MIR2052HG: variants seen among roughly 807,000 people sequenced by gnomAD.
MIR2052HG encodes MIR2052 host gene.
At chr8:74,690,937 A>C (rs1809233489) in intron 2 of MIR2052HG, among the ~76,000 whole-genome samples, 1 of 152,150 alleles carries the variant, frequency 6.6e-6, no homozygotes. Context: ...ATTTTCTTAA[A>C]GTTATGTATG....
At chr8:74,741,648 G>A (rs899535317) in intron 4 of MIR2052HG, among the ~76,000 whole-genome samples, 3 of 152,014 alleles carry the variant, frequency 2.0e-5, no homozygotes, top group South Asian at 4.1e-4. Context: ...TGGATCTACC[G>A]TATTGTTTGT....
At chr8:74,633,651 A>G (rs989872178) in intron 2 of MIR2052HG, among the ~76,000 whole-genome samples, 6 of 152,126 alleles carry the variant, frequency 3.9e-5, no homozygotes, top group African/African-American at 1.4e-4. Flanking sequence ...GTTCTGTTAC[A>G]TCTGTTTAGG....
At chr8:74,619,952 C>T (rs1340173292) in intron 2 of MIR2052HG, among the ~76,000 whole-genome samples, 2 of 152,164 alleles carry the variant, frequency 1.3e-5, no homozygotes, top group Non-Finnish European at 2.9e-5. Flanking sequence ...TCCCTTCTGC[C>T]TATGAGCCTG....
chr8:74,617,456 GGTGTGTGTGTGTGTGTGT>G (rs61474557), intron 2 of MIR2052HG, among the ~76,000 whole-genome samples: 1 of 147,294 alleles, frequency 6.8e-6, no homozygotes, highest in African/African-American at 2.5e-5. Context: ...TATTCCATTG[GGTGTGTGTGTGTGTGTGT>G]GTGTGTGTGT....
chr8:74,754,817 T>C (rs910933891), intron 5 of MIR2052HG, among the ~76,000 whole-genome samples: 1 of 152,212 alleles, frequency 6.6e-6, no homozygotes, highest in African/African-American at 2.4e-5. Context: ...TTTTGTCCCA[T>C]TGTACCTGCC....
At chr8:74,606,499 G>T (rs530343383) in intron 1 of MIR2052HG, among the ~76,000 whole-genome samples, 1 of 152,306 alleles carries the variant, frequency 6.6e-6, no homozygotes, top group East Asian at 1.9e-4. Flanking sequence ...GAGGCCAGCA[G>T]GGAAGAAGTA....
At chr8:74,758,107 T>G (rs1386811726) in intron 5 of MIR2052HG, 1 of 152,184 alleles carries the variant, frequency 6.6e-6, no homozygotes, top group Non-Finnish European at 1.5e-5. Flanking sequence ...GTTTTATCTT[T>G]CAGAATGTTG....
At chr8:74,747,007 G>T (rs935156950) in intron 4 of MIR2052HG, among the ~76,000 whole-genome samples, 9 of 152,032 alleles carry the variant, frequency 5.9e-5, no homozygotes, top group Non-Finnish European at 1.0e-4. Context: ...AGCTACCAAA[G>T]AATAAATTGA....
At chr8:74,678,358 A>C (rs1223830878) in intron 2 of MIR2052HG, among the ~76,000 whole-genome samples, 1 of 152,184 alleles carries the variant, frequency 6.6e-6, no homozygotes, top group Non-Finnish European at 1.5e-5. Context: ...CAGGAGTTCG[A>C]GACCAGCCTA....
chr8:74,705,097 C>A (rs545305613), intron 4 of MIR2052HG, among the ~76,000 whole-genome samples: 1 of 151,432 alleles, frequency 6.6e-6, no homozygotes, highest in African/African-American at 2.4e-5. Flanking sequence ...GGATCTTCCA[C>A]TAAATGGGGC....
chr8:74,666,558 G>A (rs1808925939), intron 2 of MIR2052HG, among the ~76,000 whole-genome samples: 2 of 152,152 alleles, frequency 1.3e-5, no homozygotes, highest in Non-Finnish European at 2.9e-5. Context: ...CACAGGACCT[G>A]GAAAAGTGCC....
chr8:74,743,257 A>T (rs1034812987), intron 4 of MIR2052HG, among the ~76,000 whole-genome samples: 1 of 152,176 alleles, frequency 6.6e-6, no homozygotes, highest in Admixed American at 6.5e-5. Flanking sequence ...CCCAGGTGTT[A>T]TAAGAAAATA....
chr8:74,643,738 G>A lies in MIR2052HG; in HGVS notation n.216+30798G>A, dbSNP rs541481140. On this transcript the variant is annotated intron_variant and non_coding_transcript_variant, in intron 2 of 6. Coordinates refer to ENST00000523442, the Ensembl canonical transcript of MIR2052HG. ...TAAGTAGCAAAGTTTCCCTTGTACG[G>A]ACAGCTCTCTTAAATTCCTACCCTT... is the stretch of plus-strand genomic sequence containing the variant. 1.1e-4 allele frequency among the ~76,000 whole-genome samples: 16 copies of A among 152,154 alleles called. No homozygotes were observed. The East Asian group carries it at 3.1e-3, about 29-fold the overall frequency.
chr8:74,745,708 A>T (rs1434230736), intron 4 of MIR2052HG, among the ~76,000 whole-genome samples: 2 of 152,192 alleles, frequency 1.3e-5, no homozygotes, highest in African/African-American at 4.8e-5. Context: ...CACTATGTGG[A>T]TGGCTACAGC....
intron 2 of MIR2052HG, among the ~76,000 whole-genome samples, chr8:74,624,495 C>T (rs531236272): frequency 4.4e-4 from 67 of 152,326 alleles, no homozygotes; most frequent in African/African-American, 1.4e-3. Context: ...ACAACTGGCT[C>T]TTCCCTTAGT....
At chr8:74,613,763 C>T (rs1443489428) in intron 2 of MIR2052HG, among the ~76,000 whole-genome samples, 2 of 152,138 alleles carry the variant, frequency 1.3e-5, no homozygotes, top group Non-Finnish European at 2.9e-5. Flanking sequence ...CTGAGATTAC[C>T]GGCATAAGCT....
chr8:74,733,762 A>ATGAT (rs1193011851), intron 4 of MIR2052HG, among the ~76,000 whole-genome samples: 3 of 144,080 alleles, frequency 2.1e-5, no homozygotes, highest in Non-Finnish European at 1.5e-5. Flanking sequence ...TGACTTTTTA[A>ATGAT]TGATTGCCAT....
chr8:74,725,042 G>A (rs1041790047), intron 4 of MIR2052HG, among the ~76,000 whole-genome samples: 1 of 152,156 alleles, frequency 6.6e-6, no homozygotes, highest in African/African-American at 2.4e-5. Flanking sequence ...TGGCAAGTCC[G>A]TATTAAATCC....
intron 2 of MIR2052HG, among the ~76,000 whole-genome samples, chr8:74,641,923 G>A (rs965501980): frequency 6.6e-6 from 1 of 152,130 alleles, no homozygotes; most frequent in Non-Finnish European, 1.5e-5. Context: ...GAAGATGGGG[G>A]CCTTGTGCAG....
Sources: gnomAD v4.1 joint callset for allele counts (sites outside exome capture counted in the v4.1 genomes callset) on GRCh38, gnomAD v4.1.1 for gene constraint, MANE v1.5 for transcripts, NCBI Gene and HGNC (gene_info 2026-07-23, HGNC 2026-07-21) for gene names.